INSIG2: variants seen among roughly 807,000 people sequenced by gnomAD.
INSIG2 encodes the protein insulin-induced gene 2 protein.
Under a neutral mutation model 27.2 loss-of-function variants are expected in INSIG2, and 10 were observed. That is an observed-to-expected ratio of 0.37 (90% CI 0.23 to 0.62). The LOEUF is 0.62. Among genes scored for constraint, INSIG2 ranks in the 20% least tolerant of loss-of-function variants. The pLI is 0.65. For missense variants in INSIG2, 178 were observed against 270.2 expected (o/e 0.66, Z 2.39); for synonymous variants, 97 against 95.8 (o/e 1.01, Z -0.07).
At chr2:118,088,811 C>A in intron 1 of INSIG2, 1 of 153,792 alleles carries the variant, frequency 6.5e-6, no homozygotes, top group Non-Finnish European at 1.4e-5. Flanking sequence ...GGATGAGTGT[C>A]TGAGCGGGAA....
chr2:118,107,300 T>C lies in INSIG2; in HGVS notation c.636+111T>C, dbSNP rs372366098. Reference sequence around the variant, plus strand: ...TGTGAAGACAACATTCTTTGATTGCTTTTTTGCACTTCCATTGAAATAAAT... The same window carrying C: ...TGTGAAGACAACATTCTTTGATTGCCTTTTTGCACTTCCATTGAAATAAAT... On this transcript the variant is annotated intron_variant, in intron 5 of 5. Transcript: ENST00000245787. 2.9e-4 allele frequency: 197 copies of C among 685,662 alleles called. 2 individuals are homozygous for C. The South Asian group carries it at 3.5e-3, about 12-fold the overall frequency. 42.5% of individuals were successfully genotyped at this position (685,662 alleles called of 1,614,324 possible).
rs536371216 is a variant in INSIG2 at position 118,104,170 on chromosome 2, G to A, written c.369+849G>A. Among the ~76,000 whole-genome samples the A allele has an allele frequency of 8.7e-4, 133 of 152,276 alleles. 1 individual carries two copies. Among genetic ancestry groups the A allele is most frequent in the African/African-American group, 3.0e-3 (123 of 41,560 alleles). ...TTGGGTACTTGGAAAAGCAAGAAGTGTGACTCAGGCTGCCAAAAGTTTGCT... is the reference window on the plus strand; with the variant it reads ...TTGGGTACTTGGAAAAGCAAGAAGTATGACTCAGGCTGCCAAAAGTTTGCT... On this transcript the variant is annotated intron_variant, in intron 3 of 5. Transcript: ENST00000245787.
rs1399239990 is a variant in INSIG2, at chr2:118,109,847, C to A, written c.*1525C>A. 2.0e-5 allele frequency: 3 copies of A among 152,176 alleles called. No individual in the cohort carries two copies. Among genetic ancestry groups the A allele is most frequent in the Non-Finnish European group, 2.9e-5 (2 of 67,964 alleles). 9.4% of individuals were successfully genotyped at this position (152,176 alleles called of 1,614,324 possible). ...AACTATCGTGGTGGAAAACATACTA[C>A]TATAATTTATTATTATATCTTCCAG... On this transcript the variant is annotated 3_prime_UTR_variant, in exon 6 of 6. Coordinates refer to ENST00000245787, the MANE Select transcript of INSIG2 (RefSeq NM_016133.4).
chr2:118,097,049 A>C (rs1254728097), intron 2 of INSIG2, among the ~76,000 whole-genome samples: 1 of 152,134 alleles, frequency 6.6e-6, no homozygotes, highest in Non-Finnish European at 1.5e-5. Flanking sequence ...GTCCTCTTGC[A>C]GTCCATTCCC....
rs189296218 is a variant in INSIG2 at position 118,108,422 on chromosome 2, C to T, written c.*100C>T. The T allele has an allele frequency of 1.9e-5, 16 of 832,064 alleles. No individual in the cohort carries two copies. The East Asian group carries it at 3.3e-4, about 17-fold the overall frequency. The allele number at this position is 832,064 out of a possible 1,614,324, so 51.5% of individuals were successfully genotyped here. On this transcript the variant is annotated 3_prime_UTR_variant, in exon 6 of 6. Coordinates refer to ENST00000245787, the MANE Select transcript of INSIG2 (RefSeq NM_016133.4). ...TTCAGACTGTAAAATTGCCAGGATGCAGTTTTCCCCTTGATTGGCGTGTGT... is the reference window on the plus strand; with the variant it reads ...TTCAGACTGTAAAATTGCCAGGATGTAGTTTTCCCCTTGATTGGCGTGTGT...
At chr2:118,097,139 T>C (rs1678427297) in intron 2 of INSIG2, among the ~76,000 whole-genome samples, 2 of 148,394 alleles carry the variant, frequency 1.3e-5, no homozygotes, top group African/African-American at 5.0e-5. Context: ...GCAATATAAA[T>C]GGGCTCATAA....
chr2:118,105,283 C>T (rs746779389), intron 3 of INSIG2, among the ~76,000 whole-genome samples: 1 of 152,114 alleles, frequency 6.6e-6, no homozygotes, highest in Non-Finnish European at 1.5e-5. Context: ...CCTTGTGATT[C>T]GCCCACCTCG....
intron 2 of INSIG2, among the ~76,000 whole-genome samples, chr2:118,101,553 G>A (rs1022640961): frequency 3.9e-5 from 6 of 152,080 alleles, no homozygotes; most frequent in Non-Finnish European, 5.9e-5. Flanking sequence ...CTCAGCAACA[G>A]GCAAAGGGAG....
chr2:118,101,457 T>A (rs1228394091), intron 2 of INSIG2, among the ~76,000 whole-genome samples: 1 of 152,198 alleles, frequency 6.6e-6, no homozygotes, highest in Non-Finnish European at 1.5e-5. Context: ...CACATACATG[T>A]CAGTATTCTC....
intron 1 of INSIG2, among the ~76,000 whole-genome samples, chr2:118,091,413 C>A (rs1281783825): frequency 6.6e-6 from 1 of 152,146 alleles, no homozygotes; most frequent in African/African-American, 2.4e-5. Context: ...GACTACTTTG[C>A]ATGTCATTGG....
intron 2 of INSIG2, among the ~76,000 whole-genome samples, chr2:118,100,842 T>C (rs1451428445): frequency 6.6e-6 from 1 of 152,224 alleles, no homozygotes; most frequent in Non-Finnish European, 1.5e-5. Context: ...TGACTTTAAC[T>C]GTGTTCCTTT....
chr2:118,097,440 A>C (rs953504993), intron 2 of INSIG2, among the ~76,000 whole-genome samples: 5 of 152,166 alleles, frequency 3.3e-5, no homozygotes, highest in African/African-American at 1.2e-4. Context: ...TTTCCTTGGT[A>C]TCTTGTTTTT....
intron 2 of INSIG2, among the ~76,000 whole-genome samples, chr2:118,097,735 G>A (rs1678445020): frequency 6.6e-6 from 1 of 152,174 alleles, no homozygotes. Flanking sequence ...GATTGAAGGA[G>A]AAAATTGCTT....
chr2:118,088,607 G>A (rs2104515974), intron 1 of INSIG2, 66 bp downstream of exon 1: 1 of 152,948 alleles, frequency 6.5e-6, no homozygotes, highest in South Asian at 2.1e-4. Flanking sequence ...CTGAGGAGGA[G>A]GGTGGCCCTT....
intron 1 of INSIG2, among the ~76,000 whole-genome samples, chr2:118,092,528 C>G (rs1267475026): frequency 6.6e-6 from 1 of 152,060 alleles, no homozygotes; most frequent in Non-Finnish European, 1.5e-5. Context: ...ATAGAACCAT[C>G]TGCCGAAAAA....
At chr2:118,093,836 C>T (rs1678328825) in intron 1 of INSIG2, among the ~76,000 whole-genome samples, 1 of 114,696 alleles carries the variant, frequency 8.7e-6, no homozygotes, top group Non-Finnish European at 1.7e-5. Context: ...CTGAACCTTG[C>T]TGAAAGCAAC....
At chr2:118,092,156 C>CA (rs1467363878) in intron 1 of INSIG2, among the ~76,000 whole-genome samples, 2 of 152,108 alleles carry the variant, frequency 1.3e-5, no homozygotes, top group Admixed American at 1.3e-4. Flanking sequence ...GGAAAAATCA[C>CA]AAACAGAAAC....
chr2:118,103,427 C>G, intron 3 of INSIG2, 106 bp downstream of exon 3: 1 of 913,334 alleles, frequency 1.1e-6, no homozygotes, highest in Middle Eastern at 2.3e-4. Flanking sequence ...ATGATATGCC[C>G]ACTTAGTCAG....
chr2:118,092,443 ACTAT>A (rs1298153240), intron 1 of INSIG2, among the ~76,000 whole-genome samples: 1 of 152,164 alleles, frequency 6.6e-6, no homozygotes, highest in African/African-American at 2.4e-5. Flanking sequence ...GTTTTGGCTT[ACTAT>A]CTGAGAGTGT....
Sources: allele counts gnomAD v4.1 joint callset (sites outside exome capture counted in the v4.1 genomes callset), GRCh38; gene constraint gnomAD v4.1.1; transcripts MANE v1.5; gene names NCBI Gene and HGNC (gene_info 2026-07-23, HGNC 2026-07-21).